APPBP2: variants seen among roughly 807,000 people sequenced by gnomAD.
APPBP2 encodes amyloid protein-binding protein 2.
Under a neutral mutation model 76.0 loss-of-function variants are expected in APPBP2, and 15 were observed. The observed-to-expected ratio is 0.20, with a 90% CI of 0.13 to 0.30. APPBP2 has a LOEUF of 0.30. APPBP2 is among the 10% of genes least tolerant of loss of function. The probability of loss-of-function intolerance (pLI) is 1.00; values close to 1 mark genes in which losing one functional copy is unlikely to be tolerated. For missense variants in APPBP2, 401 were observed against 687.2 expected (o/e 0.58, Z 4.66); for synonymous variants, 222 against 242.2 (o/e 0.92, Z 0.77).
chr17:60,466,900 A>G (rs914550034), intron 4 of APPBP2, among the ~76,000 whole-genome samples: 1 of 152,300 alleles, frequency 6.6e-6, no homozygotes, highest in African/African-American at 2.4e-5. Flanking sequence ...GATGCTTCAT[A>G]ATGTTCATTT....
chr17:60,513,211 G>A (rs16944463), intron 1 of APPBP2: 14,643 of 374,906 alleles, frequency 0.039, 1,943 homozygotes, highest in African/African-American at 0.29. Context: ...CCAAGAGGGC[G>A]AGCATTCGAC....
At position 60,450,646 on chromosome 17, in the gene APPBP2, T is replaced by C. The variant is rs1227334458; in HGVS notation, c.1504+1234A>G. 6.6e-5 allele frequency among the ~76,000 whole-genome samples: 10 copies of C among 150,754 alleles called. No individual in the cohort carries two copies. The East Asian group carries it at 2.0e-3, about 30-fold the overall frequency. On this transcript the variant is annotated intron_variant, in intron 12 of 12. Coordinates refer to ENST00000083182, the MANE Select transcript of APPBP2 (RefSeq NM_006380.5). ...AAAAAAAATTAGCCGGGTGTGCTGG[T>C]GCACATCTGTAGTCCCAGCTACTCA...
chr17:60,473,492 GAT>G (rs1161579940), intron 4 of APPBP2, among the ~76,000 whole-genome samples: 1 of 152,028 alleles, frequency 6.6e-6, no homozygotes, highest in African/African-American at 2.4e-5. Flanking sequence ...AAGTTTTAGG[GAT>G]ATATGTGATA....
chr17:60,524,137 T>C (rs1489255922), intron 1 of APPBP2, among the ~76,000 whole-genome samples: 1 of 152,200 alleles, frequency 6.6e-6, no homozygotes, highest in Non-Finnish European at 1.5e-5. Context: ...AAAAGCACCA[T>C]CTATTCATAC....
rs1045386565 is a variant in APPBP2 at position 60,526,038 on chromosome 17, C to T, written c.-107G>A. On this transcript the variant is annotated 5_prime_UTR_variant, in exon 1 of 13. Coordinates refer to ENST00000083182, the MANE Select transcript of APPBP2 (RefSeq NM_006380.5). Reference sequence around the variant, plus strand: ...CCCGGAGGATTCGGAGGGGCGGTGGCAGCCACGCGGGCGCACGGCAGAAGG... The same window carrying T: ...CCCGGAGGATTCGGAGGGGCGGTGGTAGCCACGCGGGCGCACGGCAGAAGG... The T allele has an allele frequency of 3.4e-6, 4 of 1,183,776 alleles. No homozygotes were observed. The highest frequency in any genetic ancestry group is 4.7e-6 in the Non-Finnish European group (4 of 856,868). 73.3% of individuals were successfully genotyped at this position (1,183,776 alleles called of 1,614,324 possible).
chr17:60,458,859 G>A (rs916489590), intron 9 of APPBP2, among the ~76,000 whole-genome samples: 6 of 149,958 alleles, frequency 4.0e-5, no homozygotes, highest in African/African-American at 9.9e-5. Context: ...TGCAACCTCC[G>A]ACTCCCGGGT....
chr17:60,454,213 A>G lies in APPBP2; in HGVS notation c.1338+89T>C, dbSNP rs576304700. 2.5e-5 allele frequency: 24 copies of G among 971,620 alleles called. 1 individual carries two copies. The South Asian group carries it at 4.3e-4, about 18-fold the overall frequency. The allele number at this position is 971,620 out of a possible 1,614,324, so 60.2% of individuals were successfully genotyped here. ...CTCAATTCCTTTGTGCAATAAGTGT[A>G]TAATTTATTTGAGCTTACTTAAAAT... On this transcript the variant is annotated intron_variant, in intron 11 of 12. Transcript: ENST00000083182.
intron 4 of APPBP2, among the ~76,000 whole-genome samples, chr17:60,467,746 T>C (rs575262629): frequency 6.6e-6 from 1 of 152,250 alleles, no homozygotes; most frequent in African/African-American, 2.4e-5. Flanking sequence ...TAAGTTGACA[T>C]CTAAATGATG....
chr17:60,459,515 C>CA (rs2090460389), intron 9 of APPBP2: 1 of 120,756 alleles, frequency 8.3e-6, no homozygotes, highest in East Asian at 2.6e-4. Context: ...TTTTTGGAGA[C>CA]AGAGTCTCAC....
chr17:60,511,525 C>T (rs536371306), intron 1 of APPBP2, among the ~76,000 whole-genome samples: 10 of 148,710 alleles, frequency 6.7e-5, no homozygotes, highest in Admixed American at 2.7e-4. Flanking sequence ...GCAGAGGTTG[C>T]GGTGAGCCGA....
At chr17:60,458,648 A>G (rs1203459521) in intron 9 of APPBP2, among the ~76,000 whole-genome samples, 1 of 152,212 alleles carries the variant, frequency 6.6e-6, no homozygotes, top group East Asian at 1.9e-4. Flanking sequence ...TGAATGAATG[A>G]GCATGGCTAT....
chr17:60,517,256 G>T (rs550556797), intron 1 of APPBP2, among the ~76,000 whole-genome samples: 1 of 152,230 alleles, frequency 6.6e-6, no homozygotes, highest in East Asian at 1.9e-4. Context: ...GATTACAGGC[G>T]TGAGCCACCA....
At position 60,500,501 on chromosome 17, in the gene APPBP2, C is replaced by A. The variant is rs750172738; in HGVS notation, c.139-14G>T. 3.2e-6 allele frequency: 5 copies of A among 1,576,270 alleles called. No individual in the cohort carries two copies. The highest frequency in any genetic ancestry group is 4.0e-5 in the Admixed American group (2 of 50,224). ...CTGTTGGTAAAGCTGAAATAAAAAA[C>A]AAATGATTTAAAAATTTTGCAATTT... On this transcript the variant is annotated splice_polypyrimidine_tract_variant and intron_variant, in intron 1 of 12. Transcript: ENST00000083182.
chr17:60,508,214 T>C (rs2090884836), intron 1 of APPBP2, among the ~76,000 whole-genome samples: 1 of 152,106 alleles, frequency 6.6e-6, no homozygotes, highest in African/African-American at 2.4e-5. Flanking sequence ...AAAATAATGT[T>C]CACAGATTAT....
At chr17:60,494,698 A>G in intron 2 of APPBP2, 81 bp from the exon 3 acceptor site, 1 of 1,208,354 alleles carries the variant, frequency 8.3e-7, no homozygotes, top group Non-Finnish European at 1.1e-6. Context: ...TCTCTTTTAA[A>G]TAATAGCACC....
intron 1 of APPBP2, among the ~76,000 whole-genome samples, chr17:60,512,295 G>A (rs975812586): frequency 6.6e-5 from 10 of 151,710 alleles, no homozygotes; most frequent in Non-Finnish European, 1.3e-4. Flanking sequence ...AGTAGAGACG[G>A]GGTTTCACCG....
intron 3 of APPBP2, among the ~76,000 whole-genome samples, chr17:60,491,529 C>G (rs753733707): frequency 4.6e-5 from 7 of 152,162 alleles, no homozygotes; most frequent in Non-Finnish European, 1.0e-4. Flanking sequence ...ACTGCAACCT[C>G]TGCCTTCCAG....
At chr17:60,523,984 T>C (rs1461557007) in intron 1 of APPBP2, among the ~76,000 whole-genome samples, 1 of 152,162 alleles carries the variant, frequency 6.6e-6, no homozygotes, top group Non-Finnish European at 1.5e-5. Context: ...AAGCACAACA[T>C]AGTTACAGGC....
At chr17:60,491,390 C>T (rs1051723515) in intron 3 of APPBP2, among the ~76,000 whole-genome samples, 1 of 152,120 alleles carries the variant, frequency 6.6e-6, no homozygotes, top group South Asian at 2.1e-4. Flanking sequence ...GACTGGAGTG[C>T]TGTTAAAAGC....
Sources: gnomAD v4.1 joint callset for allele counts (sites outside exome capture counted in the v4.1 genomes callset) on GRCh38, gnomAD v4.1.1 for gene constraint, MANE v1.5 for transcripts, NCBI Gene and HGNC (gene_info 2026-07-23, HGNC 2026-07-21) for gene names.